Variants in SHROOM4 observed in about 807,000 individuals in gnomAD.
The protein encoded by SHROOM4 is protein Shroom4.
In SHROOM4, 17 loss-of-function variants were observed where a neutral mutation model predicts 80.3. The observed-to-expected ratio is 0.21, with a 90% CI of 0.14 to 0.32. The LOEUF is 0.32. Among genes scored for constraint, SHROOM4 ranks in the 10% least tolerant of loss-of-function variants. SHROOM4 has a pLI of 1.00. For missense variants in SHROOM4, 993 were observed against 1,140.3 expected (o/e 0.87, Z 1.86); for synonymous variants, 400 against 437.5 (o/e 0.91, Z 1.07).
intron 1 of SHROOM4, among the ~76,000 whole-genome samples, chrX:50,705,531 A>T (rs183870706): frequency 9.0e-6 from 1 of 110,570 alleles, no homozygotes; most frequent in Non-Finnish European, 1.9e-5. Context: ...GCTCATTCTC[A>T]CTCTTCTAAC....
chrX:50,633,750 T>C lies in SHROOM4; in HGVS notation c.2323A>G (p.Lys775Glu). 6.6e-6 allele frequency: 8 copies of C among 1,212,008 alleles called. No homozygotes were observed. The highest frequency in any genetic ancestry group is 8.9e-6 in the Non-Finnish European group (8 of 895,564). ...AILLPFADRR[K>E]FFEESSKSLS... ...GATTTGCTACTCTCTTCAAAGAACT[T>C]TCTTCTGTCTGCAAAAGGCAAGAGG... The change falls in exon 4 of 9, where the codon AAG (lysine) becomes GAG (glutamate). Residue 775 changes from lysine (K) to glutamate (E), a missense_variant. By Grantham distance (56) the Lys-to-Glu change is moderately conservative. Transcript: ENST00000376020.
chrX:50,787,771 G>A (rs78323064), intron 1 of SHROOM4, among the ~76,000 whole-genome samples: 15 of 99,380 alleles, frequency 1.5e-4, no homozygotes, highest in East Asian at 6.3e-4. Context: ...AGCGCTAAAA[G>A]AAAAAAAAAA....
intron 1 of SHROOM4, among the ~76,000 whole-genome samples, chrX:50,806,838 C>G (rs1442259149): frequency 8.9e-6 from 1 of 112,336 alleles, no homozygotes; most frequent in Non-Finnish European, 1.9e-5. Flanking sequence ...CCAAACTCCC[C>G]CAGAACTGTG....
At chrX:50,692,257 T>C (rs1933240423) in intron 2 of SHROOM4, among the ~76,000 whole-genome samples, 1 of 111,916 alleles carries the variant, frequency 8.9e-6, no homozygotes, top group Non-Finnish European at 1.9e-5. Context: ...GTTGCTGGTG[T>C]CTCTGTACAA....
Position 50,634,533 on chromosome X carries a change from T to G in SHROOM4, c.1540A>C (p.Arg514=), listed in dbSNP as rs1931238515. The change falls in exon 4 of 9, where the codon AGA becomes CGA. Residue 514 remains arginine, a synonymous_variant. Transcript: ENST00000376020. ...AATTCACTGGCTGCTCTGCTTGTTC[T>G]GTTTGGGTCCAGGAAACCTTTTTCT... ...PSEKGFLDPN[R]TSRAASELAN... The G allele has an allele frequency of 2.5e-6, 3 of 1,210,003 alleles. No individual in the cohort carries two copies. The highest frequency in any genetic ancestry group is 1.7e-5 in the African/African-American group (1 of 57,153).
intron 1 of SHROOM4, among the ~76,000 whole-genome samples, chrX:50,753,575 A>G (rs1447726257): frequency 9.0e-6 from 1 of 111,576 alleles, no homozygotes; most frequent in African/African-American, 3.3e-5. Flanking sequence ...GACTGGTGTA[A>G]ATTGACACAC....
At chrX:50,733,607 G>A (rs1249699765) in intron 1 of SHROOM4, among the ~76,000 whole-genome samples, 1 of 111,546 alleles carries the variant, frequency 9.0e-6, no homozygotes, top group Non-Finnish European at 1.9e-5. Flanking sequence ...ATAAATTTCT[G>A]TTTATTATAA....
chrX:50,782,648 G>C (rs1200912896), intron 1 of SHROOM4, among the ~76,000 whole-genome samples: 5 of 111,888 alleles, frequency 4.5e-5, no homozygotes, highest in Non-Finnish European at 9.4e-5. Context: ...ACATACAATC[G>C]ATACACACAA....
At chrX:50,811,234 G>A (rs1936323263) in intron 1 of SHROOM4, among the ~76,000 whole-genome samples, 2 of 110,819 alleles carry the variant, frequency 1.8e-5, no homozygotes, top group African/African-American at 6.6e-5. Flanking sequence ...TTGAGCCTGG[G>A]AGGCACAGGA....
chrX:50,625,709 T>C, intron 5 of SHROOM4, among the ~76,000 whole-genome samples: 1 of 111,747 alleles, frequency 8.9e-6, no homozygotes, highest in South Asian at 3.9e-4. Context: ...TTCTCCTAAT[T>C]GGTCTCTCTT....
rs781900381 is a variant in SHROOM4 at position 50,669,997 on chromosome X, T to C, written c.269+25789A>G. Among the ~76,000 whole-genome samples the C allele has an allele frequency of 2.7e-5, 3 of 112,404 alleles. No individual in the cohort carries two copies. In the East Asian group the frequency reaches 8.4e-4, roughly 31 times the overall value. The stretch of plus-strand genomic sequence containing the variant: ...CTCCCTTGAATCATGAATATTTTAA[T>C]GACATCAAAACGGTGAATCCCTTCC... On this transcript the variant is annotated intron_variant, in intron 2 of 8. Transcript: ENST00000376020.
chrX:50,725,337 C>G (rs1384927420), intron 1 of SHROOM4, among the ~76,000 whole-genome samples: 2 of 112,236 alleles, frequency 1.8e-5, no homozygotes, highest in African/African-American at 6.5e-5. Flanking sequence ...GGGCTCTGCT[C>G]TGGCAAAGCA....
rs1557246402 is a variant in SHROOM4, at chrX:50,595,786, T to C, written c.*909A>G. 1 of 310,419 alleles carries C rather than the reference T, an allele frequency of 3.2e-6. No individual in the cohort carries two copies. The highest frequency in any genetic ancestry group is 3.7e-5 in the Admixed American group (1 of 27,270). The allele number at this position is 310,419 out of a possible 1,213,427, so 25.6% of individuals were successfully genotyped here. ...CTCCAACTTCCCTCTTCTCGCCTTA[T>C]TAGTTAAAAAAGAAAAAAATAATCA... is the stretch of plus-strand genomic sequence containing the variant. On this transcript the variant is annotated 3_prime_UTR_variant, in exon 9 of 9. Coordinates refer to ENST00000376020, the MANE Select transcript of SHROOM4 (RefSeq NM_020717.5).
chrX:50,703,724 A>G (rs2147474255), intron 1 of SHROOM4, among the ~76,000 whole-genome samples: 1 of 111,984 alleles, frequency 8.9e-6, no homozygotes, highest in East Asian at 2.8e-4. Context: ...ACCTTCTGCC[A>G]TGATTGTAAG....
At position 50,784,503 on chromosome X, in the gene SHROOM4, T is replaced by C. The variant is rs145397050; in HGVS notation, c.117+29399A>G. The stretch of plus-strand genomic sequence containing the variant: ...TTTTAATCAAATAGTGCTGGAACAA[T>C]TGGATGTTCATATGCAACAAATAGT... On this transcript the variant is annotated intron_variant, in intron 1 of 8. Coordinates refer to ENST00000376020, the MANE Select transcript of SHROOM4 (RefSeq NM_020717.5). Among the ~76,000 whole-genome samples, 427 of 111,441 alleles carry C rather than the reference T, an allele frequency of 3.8e-3. 2 individuals carry two copies. The highest frequency in any genetic ancestry group is 0.014 in the African/African-American group (416 of 30,626).
Position 50,806,657 on chromosome X carries a change from T to C in SHROOM4, c.117+7245A>G, listed in dbSNP as rs564840835. ...AAATTTTGGCTCCATGGAAGCTGAG[T>C]GAAAGTGATCTTGATACCGACATAA... is the stretch of plus-strand genomic sequence containing the variant. On this transcript the variant is annotated intron_variant, in intron 1 of 8. Transcript: ENST00000376020. 3.6e-4 allele frequency among the ~76,000 whole-genome samples: 40 copies of C among 112,201 alleles called. 2 individuals carry two copies. In the South Asian group the frequency reaches 0.012, roughly 34 times the overall value.
chrX:50,800,611 G>T (rs782586100), intron 1 of SHROOM4, among the ~76,000 whole-genome samples: 1 of 111,345 alleles, frequency 9.0e-6, no homozygotes, highest in Non-Finnish European at 1.9e-5. Context: ...TCTAGCCACT[G>T]GAAAGAACAT....
chrX:50,798,622 T>C (rs1557272320), intron 1 of SHROOM4, among the ~76,000 whole-genome samples: 1 of 111,542 alleles, frequency 9.0e-6, no homozygotes, highest in East Asian at 2.8e-4. Flanking sequence ...ACTGGCTTGG[T>C]TACTTGGAGA....
At chrX:50,812,769 A>G (rs1936367414) in intron 1 of SHROOM4, among the ~76,000 whole-genome samples, 1 of 109,972 alleles carries the variant, frequency 9.1e-6, no homozygotes. Flanking sequence ...AAAAAAAGTG[A>G]TATTTGCTCC....
Sources: allele counts gnomAD v4.1 joint callset (sites outside exome capture counted in the v4.1 genomes callset), GRCh38; gene constraint gnomAD v4.1.1; transcripts MANE v1.5; gene names NCBI Gene and HGNC (gene_info 2026-07-23, HGNC 2026-07-21).